TRIM37: variants seen among roughly 807,000 people sequenced by gnomAD.
TRIM37 encodes the protein E3 ubiquitin-protein ligase TRIM37.
In TRIM37, 80 loss-of-function variants were observed where a neutral mutation model predicts 129.8. That is an observed-to-expected ratio of 0.62 (90% CI 0.51 to 0.74). TRIM37 has a LOEUF of 0.74. TRIM37 is among the 30% of genes least tolerant of loss of function. The pLI is 0.00. For synonymous variants in TRIM37, 389 were observed against 387.1 expected (o/e 1.00, Z -0.06); for missense variants, 1,054 against 1,176.5 (o/e 0.90, Z 1.52).
the TRIM37 span, among the ~76,000 whole-genome samples, chr17:58,970,324 G>T: frequency 6.6e-6 from 1 of 151,964 alleles, no homozygotes; most frequent in African/African-American, 2.4e-5. Flanking sequence ...AAATGGCAAG[G>T]GCTCTATATT....
downstream of TRIM37, among the ~76,000 whole-genome samples, chr17:58,978,941 C>T (rs374847636): frequency 1.3e-5 from 2 of 152,196 alleles, no homozygotes; most frequent in Admixed American, 6.5e-5. Context: ...CAGTCTCGCT[C>T]CTACCCCAAG....
chr17:59,056,548 T>C (rs2040889936), intron 13 of TRIM37, among the ~76,000 whole-genome samples: 1 of 151,064 alleles, frequency 6.6e-6, no homozygotes, highest in Non-Finnish European at 1.5e-5. Context: ...GCTAAAACAG[T>C]GAAACCCCGT....
chr17:58,972,809 C>A, the TRIM37 span: 1 of 1,592,114 alleles, frequency 6.3e-7, no homozygotes, highest in Non-Finnish European at 8.6e-7. Context: ...TTATTTGCTT[C>A]TTTTTATTGC....
chr17:59,012,406 T>C lies in TRIM37; in HGVS notation c.2617A>G (p.Thr873Ala), dbSNP rs1346588941. ...GTTTCAGAATTATTTTCCAAATCAG[T>C]CATCTGCAGTCCTTCCAGATGACCT... ...KGGHLEGLQM[T>A]DLENNSETGE... Residue 873 changes from threonine to alanine, a missense_variant, in exon 22 of 24, where the codon ACT becomes GCT. By Grantham distance (58) the Thr-to-Ala change is moderately conservative (BLOSUM62 0). Transcript: ENST00000262294. The C allele has an allele frequency of 2.2e-5, 35 of 1,611,944 alleles. No homozygotes were observed. The highest frequency in any genetic ancestry group is 2.8e-5 in the Non-Finnish European group (33 of 1,179,930).
In TRIM37 at chr17:59,041,688, T is replaced by C. The variant is rs112648555; in HGVS notation, c.1753+125A>G. 5.5e-4 allele frequency: 394 copies of C among 711,464 alleles called. 3 individuals carry two copies. In the African/African-American group the frequency reaches 6.2e-3, roughly 11 times the overall value. The allele number at this position is 711,464 out of a possible 1,614,324, so 44.1% of individuals were successfully genotyped here. A position where few individuals can be genotyped will look rare whatever the true frequency, so the allele number is the denominator to read the frequency against. ...ACTCTAAAAAATCCATATTATAAGATATACCACTTCCAACACCATGAACCA... is the reference window on the plus strand; with the variant it reads ...ACTCTAAAAAATCCATATTATAAGACATACCACTTCCAACACCATGAACCA... On this transcript the variant is annotated intron_variant, in intron 17 of 23. Transcript: ENST00000262294.
At position 59,106,527 on chromosome 17, in the gene TRIM37, G is replaced by C. The variant is rs537652233; in HGVS notation, c.-66C>G. 6.3e-7 allele frequency: 1 copy of C among 1,599,660 alleles called. No individual in the cohort carries two copies. Among genetic ancestry groups the C allele is most frequent in the African/African-American group, 1.3e-5 (1 of 74,590 alleles). ...TCCGCAGTCTGACCTCTTAGGCGCC[G>C]GCCCGAGGTCGCCAGATCAAATCGC... is the stretch of plus-strand genomic sequence containing the variant. On this transcript the variant is annotated 5_prime_UTR_variant, in exon 1 of 24. Transcript: ENST00000262294.
the TRIM37 span, chr17:58,972,685 C>A: frequency 1.4e-6 from 1 of 704,804 alleles, no homozygotes. Flanking sequence ...ATTGCTATCA[C>A]ATCAGCAACT....
At chr17:59,069,081 T>C (rs1398623122) in intron 9 of TRIM37, among the ~76,000 whole-genome samples, 1 of 152,152 alleles carries the variant, frequency 6.6e-6, no homozygotes, top group Non-Finnish European at 1.5e-5. Flanking sequence ...GCATGGTGGC[T>C]CACACCTATA....
intron 14 of TRIM37, among the ~76,000 whole-genome samples, chr17:59,050,931 G>A (rs185377177): frequency 2.6e-4 from 40 of 152,204 alleles, no homozygotes; most frequent in Admixed American, 1.8e-3. Flanking sequence ...AGTGAGCCGA[G>A]ATTGCACCAC....
At chr17:59,073,507 T>G (rs962415481) in intron 8 of TRIM37, among the ~76,000 whole-genome samples, 1 of 152,168 alleles carries the variant, frequency 6.6e-6, no homozygotes, top group Admixed American at 6.5e-5. Flanking sequence ...TTGCCCAGGC[T>G]GGTCTTGAAC....
intron 2 of TRIM37, among the ~76,000 whole-genome samples, chr17:59,101,439 T>C (rs2147599746): frequency 6.6e-6 from 1 of 152,154 alleles, no homozygotes; most frequent in Non-Finnish European, 1.5e-5. Flanking sequence ...ATGTTCATAC[T>C]TCTCTATTAG....
chr17:59,012,336 G>A lies in TRIM37; in HGVS notation c.2687C>T (p.Pro896Leu), dbSNP rs761061776. The A allele has an allele frequency of 6.2e-7, 1 of 1,604,086 alleles. No individual in the cohort carries two copies. The highest frequency in any genetic ancestry group is 1.1e-5 in the South Asian group (1 of 90,926). ...PVLPEGASAA[P>L]EEGMSSDSDI... is the part of the protein sequence containing the mutation. ...AGTTTATCATTCCTTACCTTCTTCA[G>A]GGGCAGCTGAAGCTCCTTCAGGTAG... is the stretch of plus-strand genomic sequence containing the variant. Residue 896 changes from proline to leucine, a missense_variant, in exon 22 of 24, where the codon CCT (proline) becomes CTT (leucine). By Grantham distance (98) the Pro-to-Leu change is moderately conservative (BLOSUM62 -3). Around this residue, in one of 3 missense-constraint regions of TRIM37, gnomAD observed 287 missense variants for 274.3 expected, o/e 1.05. Transcript: ENST00000262294.
chr17:59,041,431 C>T (rs1301340644), intron 17 of TRIM37, among the ~76,000 whole-genome samples: 2 of 152,086 alleles, frequency 1.3e-5, no homozygotes, highest in Non-Finnish European at 2.9e-5. Flanking sequence ...GACTTTATAT[C>T]AGAAAGAATA....
chr17:59,035,768 AAAAC>A (rs1056538885), intron 17 of TRIM37, among the ~76,000 whole-genome samples: 37 of 152,052 alleles, frequency 2.4e-4, no homozygotes, highest in Non-Finnish European at 4.6e-4. Context: ...AAAAACCAAA[AAAAC>A]AAAAAAACAA....
downstream of TRIM37, among the ~76,000 whole-genome samples, chr17:58,997,500 C>T (rs980074614): frequency 6.6e-6 from 1 of 152,024 alleles, no homozygotes; most frequent in African/African-American, 2.4e-5. Flanking sequence ...AGGTTTGATA[C>T]ACAACTCATC....
In TRIM37 at chr17:59,104,367, T is replaced by C. The variant is rs2045801762; in HGVS notation, c.49A>G (p.Ile17Val). ...GCATCCCGCAATTTCTCCATACAAA[T>C]GAAACATCGGAAAACCTCAGCAATG... ...ESIAEVFRCF[I>V]CMEKLRDARL... Residue 17 changes from isoleucine (I) to valine (V), a missense_variant, in exon 2 of 24, where the codon ATT becomes GTT. By Grantham distance (29) the Ile-to-Val change is conservative. Transcript: ENST00000262294. 6.2e-7 allele frequency: 1 copy of C among 1,614,126 alleles called. No homozygotes were observed. The highest frequency in any genetic ancestry group is 1.1e-5 in the South Asian group (1 of 91,080).
downstream of TRIM37, among the ~76,000 whole-genome samples, chr17:58,995,280 T>C (rs2032872401): frequency 6.6e-6 from 1 of 152,086 alleles, no homozygotes; most frequent in Non-Finnish European, 1.5e-5. Context: ...ATAATAAATA[T>C]GTGGCATCCA....
At chr17:59,091,839 T>C (rs1025441778) in intron 2 of TRIM37, among the ~76,000 whole-genome samples, 2 of 151,220 alleles carry the variant, frequency 1.3e-5, no homozygotes. Flanking sequence ...GGAAAAGCAA[T>C]GATTTCAGGA....
intron 8 of TRIM37, among the ~76,000 whole-genome samples, chr17:59,073,798 T>C (rs1206790534): frequency 2.0e-5 from 3 of 152,214 alleles, no homozygotes; most frequent in African/African-American, 7.2e-5. Flanking sequence ...GGCCTAGGCC[T>C]ACACATGGTC....
Sources: allele counts gnomAD v4.1 joint callset (sites outside exome capture counted in the v4.1 genomes callset), GRCh38; gene constraint gnomAD v4.1.1; regional missense constraint gnomAD v4.1.1; transcripts MANE v1.5; gene names NCBI Gene and HGNC (gene_info 2026-07-23, HGNC 2026-07-21).